RAPGEF5: variants seen among roughly 807,000 people sequenced by gnomAD.
RAPGEF5 encodes Rap guanine nucleotide exchange factor 5.
Under a neutral mutation model 125.2 loss-of-function variants are expected in RAPGEF5, and 65 were observed. That is an observed-to-expected ratio of 0.52 (90% CI 0.43 to 0.64). RAPGEF5 has a LOEUF of 0.64. RAPGEF5 is among the 30% of genes least tolerant of loss of function. The pLI, the probability that RAPGEF5 is intolerant of heterozygous loss-of-function variation, is 0.00. For synonymous variants in RAPGEF5, 391 were observed against 385.9 expected (o/e 1.01, Z -0.16); for missense variants, 958 against 1,048.1 (o/e 0.91, Z 1.19).
At chr7:22,228,353 G>A (rs1785970970) in intron 8 of RAPGEF5, among the ~76,000 whole-genome samples, 1 of 152,058 alleles carries the variant, frequency 6.6e-6, no homozygotes, top group South Asian at 2.1e-4. Context: ...TTGCTGTGAT[G>A]TTTAAATACA....
At chr7:22,171,681 T>C (rs1392763462) in intron 11 of RAPGEF5, among the ~76,000 whole-genome samples, 2 of 152,168 alleles carry the variant, frequency 1.3e-5, no homozygotes, top group Non-Finnish European at 2.9e-5. Flanking sequence ...GTATTTTTAG[T>C]AGAGATGGGG....
At chr7:22,317,769 C>G (rs112840388) in intron 2 of RAPGEF5, among the ~76,000 whole-genome samples, 67 of 152,096 alleles carry the variant, frequency 4.4e-4, no homozygotes, top group Middle Eastern at 3.4e-3. Context: ...TAATTTTTTT[C>G]CCTAGTTCGT....
chr7:22,206,362 GA>G (rs1247398090), intron 9 of RAPGEF5, among the ~76,000 whole-genome samples: 1 of 152,090 alleles, frequency 6.6e-6, no homozygotes, highest in Non-Finnish European at 1.5e-5. Context: ...TGTGATAGTT[GA>G]TCAAGAAATC....
chr7:22,169,795 A>C (rs1489236255), intron 11 of RAPGEF5, among the ~76,000 whole-genome samples: 1 of 137,698 alleles, frequency 7.3e-6, no homozygotes, highest in Non-Finnish European at 1.5e-5. Context: ...AGGCGGTGGA[A>C]GTTGCAGTGA....
rs751165446 is a variant in RAPGEF5, at chr7:22,310,006, G to A, written c.474C>T (p.Val158=). The change falls in exon 4 of 26, where the codon GTC becomes GTT. Residue 158 remains valine (V), a synonymous_variant. Coordinates refer to ENST00000665637, the MANE Select transcript of RAPGEF5 (RefSeq NM_012294.5). ...FVQCRSMAIG[V]WQLLLDMGIM... is the part of the protein sequence containing the mutation. Reference sequence around the variant, plus strand: ...TTCCCATGTCCAGTAGGAGTTGCCAGACTCCTATGGCCATAGATCTGCACT... The same window carrying A: ...TTCCCATGTCCAGTAGGAGTTGCCAAACTCCTATGGCCATAGATCTGCACT... 3 of 1,594,616 alleles carry A rather than the reference G, an allele frequency of 1.9e-6. 1 individual carries two copies. Among genetic ancestry groups the A allele is most frequent in the South Asian group, 2.3e-5 (2 of 87,398 alleles).
chr7:22,220,080 A>C, intron 8 of RAPGEF5, 89 bp from the exon 9 acceptor site: 2,076 of 1,444,426 alleles, frequency 1.4e-3, no homozygotes, highest in Non-Finnish European at 1.8e-3. Flanking sequence ...TAATAAGCTC[A>C]TCTTTTCCAC....
At chr7:22,356,594 G>A (rs1008295718) in intron 1 of RAPGEF5, 2 of 185,978 alleles carry the variant, frequency 1.1e-5, no homozygotes, top group African/African-American at 5.0e-5. Flanking sequence ...GGGGCCCTGG[G>A]GTTAAGTCAG....
chr7:22,160,027 C>T (rs764812918), intron 14 of RAPGEF5, among the ~76,000 whole-genome samples: 2 of 152,034 alleles, frequency 1.3e-5, no homozygotes, highest in Non-Finnish European at 2.9e-5. Flanking sequence ...GAAAATCGCT[C>T]GAACCCAGGA....
At chr7:22,160,685 T>C (rs1035910572) in intron 13 of RAPGEF5, 70 bp from the exon 14 acceptor site, 11 of 1,428,816 alleles carry the variant, frequency 7.7e-6, no homozygotes, top group African/African-American at 1.5e-5. Flanking sequence ...ACTCATACCA[T>C]GGCTATCCTA....
chr7:22,212,430 A>G (rs1355386018), intron 9 of RAPGEF5, among the ~76,000 whole-genome samples: 3 of 152,204 alleles, frequency 2.0e-5, no homozygotes, highest in Admixed American at 2.0e-4. Flanking sequence ...CAGCACTTGG[A>G]TGCTGACCAC....
chr7:22,242,421 G>A (rs1050310392), intron 7 of RAPGEF5, among the ~76,000 whole-genome samples: 1 of 152,182 alleles, frequency 6.6e-6, no homozygotes, highest in African/African-American at 2.4e-5. Context: ...CATGTGGCAG[G>A]GAGGCCATAG....
intron 14 of RAPGEF5, among the ~76,000 whole-genome samples, chr7:22,160,008 C>T (rs1172464882): frequency 6.6e-6 from 1 of 152,100 alleles, no homozygotes; most frequent in African/African-American, 2.4e-5. Flanking sequence ...ACTTAGGAGG[C>T]TGAGGCACGA....
At chr7:22,347,898 G>A (rs1040280409) in intron 1 of RAPGEF5, among the ~76,000 whole-genome samples, 2 of 152,072 alleles carry the variant, frequency 1.3e-5, no homozygotes, top group Non-Finnish European at 2.9e-5. Context: ...CCACCTACCA[G>A]GGCTTACCGA....
intron 5 of RAPGEF5, among the ~76,000 whole-genome samples, chr7:22,300,912 C>T (rs1458083003): frequency 6.6e-6 from 1 of 152,228 alleles, no homozygotes; most frequent in Admixed American, 6.5e-5. Flanking sequence ...ATTCTTCTTG[C>T]CAGAAAGATG....
intron 21 of RAPGEF5, 38 bp from the exon 22 acceptor site, chr7:22,137,021 G>C (rs1783101274): frequency 6.8e-7 from 1 of 1,480,042 alleles, no homozygotes; most frequent in Non-Finnish European, 9.2e-7. Context: ...GAAGGTCACA[G>C]AAGTTGGTTA....
chr7:22,325,597 G>C (rs1432106232), intron 1 of RAPGEF5, among the ~76,000 whole-genome samples: 1 of 152,122 alleles, frequency 6.6e-6, no homozygotes, highest in Non-Finnish European at 1.5e-5. Flanking sequence ...ACAGGGTCTT[G>C]CTCTGTCTCC....
At chr7:22,240,616 G>C (rs916010105) in intron 7 of RAPGEF5, among the ~76,000 whole-genome samples, 2 of 151,830 alleles carry the variant, frequency 1.3e-5, no homozygotes, top group Non-Finnish European at 2.9e-5. Flanking sequence ...CAAGTGATCC[G>C]CCTGCCTCAG....
At chr7:22,312,272 G>A (rs968350377) in intron 3 of RAPGEF5, among the ~76,000 whole-genome samples, 1 of 151,476 alleles carries the variant, frequency 6.6e-6, no homozygotes, top group African/African-American at 2.4e-5. Flanking sequence ...GCAATAGTGC[G>A]ATCTCGGCTC....
chr7:22,181,091 C>G (rs1476379015), intron 11 of RAPGEF5, among the ~76,000 whole-genome samples: 10 of 152,158 alleles, frequency 6.6e-5, no homozygotes, highest in Non-Finnish European at 1.5e-4. Flanking sequence ...ATATCCAACT[C>G]TGAGAATTAG....
Sources: gnomAD v4.1 joint callset for allele counts (sites outside exome capture counted in the v4.1 genomes callset) on GRCh38, gnomAD v4.1.1 for gene constraint, MANE v1.5 for transcripts, NCBI Gene and HGNC (gene_info 2026-07-23, HGNC 2026-07-21) for gene names.